FSTL4: variants seen among roughly 807,000 people sequenced by gnomAD.
FSTL4 encodes follistatin-related protein 4.
FSTL4 carries 28 observed loss-of-function variants against 78.2 expected under a neutral mutation model. That is an observed-to-expected ratio of 0.36 (90% CI 0.27 to 0.49). FSTL4 has a LOEUF of 0.49. Ranked by LOEUF, FSTL4 falls within the 20% of genes least tolerant of loss-of-function variation. The probability of loss-of-function intolerance (pLI) is 0.98; values close to 1 mark genes in which losing one functional copy is unlikely to be tolerated. For missense variants in FSTL4, 922 were observed against 1,084.9 expected, an observed-to-expected ratio of 0.85 and a Z score of 2.11; for synonymous variants, 422 against 440.5, an observed-to-expected ratio of 0.96 and a Z score of 0.53.
intron 3 of FSTL4, among the ~76,000 whole-genome samples, chr5:133,406,632 T>G (rs1475659042): frequency 6.6e-6 from 1 of 152,168 alleles, no homozygotes; most frequent in Non-Finnish European, 1.5e-5. Context: ...AGGGTTGGGA[T>G]GAGAATCTGT....
chr5:133,230,067 C>T (rs1751448062), intron 8 of FSTL4, among the ~76,000 whole-genome samples: 1 of 152,162 alleles, frequency 6.6e-6, no homozygotes, highest in Non-Finnish European at 1.5e-5. Flanking sequence ...TGGGCTTGTC[C>T]AGTGAACTGG....
the FSTL4 span, among the ~76,000 whole-genome samples, chr5:133,698,146 G>A: frequency 6.6e-6 from 1 of 152,184 alleles, no homozygotes; most frequent in Non-Finnish European, 1.5e-5. Flanking sequence ...CAGGGAGGAA[G>A]CAACTACTTC....
the FSTL4 span, among the ~76,000 whole-genome samples, chr5:133,676,468 A>T: frequency 2.0e-5 from 3 of 152,204 alleles, no homozygotes; most frequent in Non-Finnish European, 4.4e-5. Context: ...TCAAAATTTC[A>T]GTTCTCCAAA....
chr5:133,216,945 G>T (rs1750925820), intron 13 of FSTL4, among the ~76,000 whole-genome samples: 1 of 152,068 alleles, frequency 6.6e-6, no homozygotes, highest in South Asian at 2.1e-4. Flanking sequence ...TTCCTCTTTT[G>T]CTTGGAACCT....
chr5:133,540,120 A>T (rs1759436258), intron 3 of FSTL4, among the ~76,000 whole-genome samples: 1 of 152,084 alleles, frequency 6.6e-6, no homozygotes, highest in Non-Finnish European at 1.5e-5. Context: ...TGGCCTTTAG[A>T]TTCAAACTGC....
chr5:133,819,118 T>C, the FSTL4 span, among the ~76,000 whole-genome samples: 3 of 150,294 alleles, frequency 2.0e-5, no homozygotes, highest in Non-Finnish European at 3.0e-5. Context: ...TTTCCCTGCC[T>C]TGCGTACACA....
intron 3 of FSTL4, among the ~76,000 whole-genome samples, chr5:133,522,981 C>T (rs1301589007): frequency 6.6e-6 from 1 of 151,654 alleles, no homozygotes; most frequent in Non-Finnish European, 1.5e-5. Context: ...TGTGCCCCTG[C>T]CACCCCCGAG....
At chr5:133,339,081 C>G (rs1194437457) in intron 4 of FSTL4, among the ~76,000 whole-genome samples, 1 of 152,176 alleles carries the variant, frequency 6.6e-6, no homozygotes, top group African/African-American at 2.4e-5. Flanking sequence ...TCATCCTTCC[C>G]CACTCACACA....
intron 3 of FSTL4, among the ~76,000 whole-genome samples, chr5:133,478,155 A>C (rs767150082): frequency 2.0e-5 from 3 of 152,236 alleles, no homozygotes; most frequent in Admixed American, 6.5e-5. Flanking sequence ...ATTACTAATG[A>C]AAAATGTGTG....
the FSTL4 span, among the ~76,000 whole-genome samples, chr5:133,751,304 G>A: frequency 2.0e-5 from 3 of 152,190 alleles, no homozygotes; most frequent in Non-Finnish European, 4.4e-5. Flanking sequence ...AAGACATTCT[G>A]GAAGAAAATG....
At chr5:133,825,667 G>T in the FSTL4 span, among the ~76,000 whole-genome samples, 2 of 152,208 alleles carry the variant, frequency 1.3e-5, no homozygotes, top group African/African-American at 4.8e-5. Flanking sequence ...TCACCAGTAG[G>T]CATCAAAGCC....
chr5:133,220,992 T>C (rs777931504), intron 11 of FSTL4, 126 bp from the exon 12 acceptor site: 1 of 760,434 alleles, frequency 1.3e-6, no homozygotes. Flanking sequence ...GAGATGCAAT[T>C]CCTGGTCAGG....
At chr5:133,252,787 G>A (rs1216249245) in intron 6 of FSTL4, among the ~76,000 whole-genome samples, 2 of 152,164 alleles carry the variant, frequency 1.3e-5, no homozygotes, top group East Asian at 3.9e-4. Context: ...GTCTGCAGGA[G>A]CCTCAAACAT....
At chr5:133,657,063 T>C in the FSTL4 span, among the ~76,000 whole-genome samples, 4 of 152,248 alleles carry the variant, frequency 2.6e-5, no homozygotes, top group South Asian at 8.3e-4. Flanking sequence ...GGTGGGGAAA[T>C]TCAGAAGTCA....
the FSTL4 span, among the ~76,000 whole-genome samples, chr5:133,644,945 G>A: frequency 7.2e-5 from 11 of 151,916 alleles, no homozygotes; most frequent in Non-Finnish European, 1.2e-4. Flanking sequence ...TATAGCTCCC[G>A]ACAGGCAGCT....
intron 3 of FSTL4, among the ~76,000 whole-genome samples, chr5:133,493,997 G>A (rs1758322129): frequency 6.6e-6 from 1 of 152,140 alleles, no homozygotes; most frequent in African/African-American, 2.4e-5. Context: ...AATCCCAATA[G>A]TGAATTACAG....
the FSTL4 span, among the ~76,000 whole-genome samples, chr5:133,650,294 C>T: frequency 6.6e-6 from 1 of 152,152 alleles, no homozygotes; most frequent in East Asian, 1.9e-4. Flanking sequence ...ATATCCAAAC[C>T]ATAGCATGTA....
At chr5:133,291,236 A>T (rs1753256485) in intron 6 of FSTL4, among the ~76,000 whole-genome samples, 1 of 151,968 alleles carries the variant, frequency 6.6e-6, no homozygotes, top group Non-Finnish European at 1.5e-5. Flanking sequence ...TGACCCTTGG[A>T]CCTCTTGGTC....
At position 133,562,624 on chromosome 5, in the gene FSTL4, G is replaced by C. The variant is rs184116872; in HGVS notation, c.160+4562C>G. ...CCCTCACAGCCTTGCTAGAAGCCAG[G>C]CCAGGCTGGACAGGGCTGGAACATG... On this transcript the variant is annotated intron_variant, in intron 3 of 15. Transcript: ENST00000265342. Among the ~76,000 whole-genome samples the C allele has an allele frequency of 1.1e-4, 17 of 152,278 alleles. No homozygotes were observed. In the East Asian group the frequency reaches 3.3e-3, roughly 29 times the overall value.
Sources: allele counts gnomAD v4.1 joint callset (sites outside exome capture counted in the v4.1 genomes callset), GRCh38; gene constraint gnomAD v4.1.1; transcripts MANE v1.5; gene names NCBI Gene and HGNC (gene_info 2026-07-23, HGNC 2026-07-21).